The following PTPRG variants were observed in gnomAD, a reference collection of about 807,000 sequenced individuals.
The protein encoded by PTPRG is protein tyrosine phosphatase receptor type G, also known as receptor-type tyrosine-protein phosphatase gamma.
Under a neutral mutation model 165.3 loss-of-function variants are expected in PTPRG, and 102 were observed. The observed-to-expected ratio is 0.62, with a 90% CI of 0.53 to 0.73. The LOEUF is 0.73. Among genes scored for constraint, PTPRG ranks in the 30% least tolerant of loss-of-function variants. The pLI, the probability that PTPRG is intolerant of heterozygous loss-of-function variation, is 0.00. For missense variants in PTPRG, 1,866 were observed against 1,861.4 expected, an observed-to-expected ratio of 1.00 and a Z score of -0.05; for synonymous variants, 675 against 669.5, an observed-to-expected ratio of 1.01 and a Z score of -0.13.
At chr3:61,690,269 A>G (rs996290724) in intron 1 of PTPRG, among the ~76,000 whole-genome samples, 1 of 152,222 alleles carries the variant, frequency 6.6e-6, no homozygotes, top group Non-Finnish European at 1.5e-5. Context: ...CTTCAAGGCC[A>G]CTAAGCCCAG....
chr3:62,272,853 A>G (rs558165872), intron 21 of PTPRG, 93 bp from the exon 22 acceptor site: 1 of 1,333,692 alleles, frequency 7.5e-7, no homozygotes, highest in Admixed American at 2.8e-5. Flanking sequence ...GAAAAATAAT[A>G]AAATAAATGG....
At chr3:61,647,708 T>G (rs1055829264) in intron 1 of PTPRG, among the ~76,000 whole-genome samples, 1 of 143,570 alleles carries the variant, frequency 7.0e-6, no homozygotes, top group Non-Finnish European at 1.5e-5. Flanking sequence ...AGAAGAATGG[T>G]GTGAACCTGG....
chr3:61,913,527 C>G (rs1353957296), intron 2 of PTPRG, among the ~76,000 whole-genome samples: 2 of 152,072 alleles, frequency 1.3e-5, no homozygotes, highest in African/African-American at 4.8e-5. Flanking sequence ...CCGAGGGACA[C>G]CTTTTTCTGA....
At chr3:61,667,791 A>T (rs1481761025) in intron 1 of PTPRG, among the ~76,000 whole-genome samples, 1 of 142,300 alleles carries the variant, frequency 7.0e-6, no homozygotes. Context: ...AAATTTTTTT[A>T]ATTAAAAAAA....
intron 5 of PTPRG, among the ~76,000 whole-genome samples, chr3:62,100,094 G>A (rs1702240061): frequency 6.6e-6 from 1 of 152,076 alleles, no homozygotes; most frequent in Admixed American, 6.6e-5. Context: ...ATTTTTAGAT[G>A]AGGAAACTGG....
intron 2 of PTPRG, among the ~76,000 whole-genome samples, chr3:61,763,181 A>G (rs546226768): frequency 2.0e-5 from 3 of 152,080 alleles, no homozygotes; most frequent in Non-Finnish European, 4.4e-5. Flanking sequence ...CCCGAAGTAG[A>G]GGTCCTGGAA....
At chr3:61,734,176 T>A (rs1269528607) in intron 1 of PTPRG, among the ~76,000 whole-genome samples, 1 of 152,204 alleles carries the variant, frequency 6.6e-6, no homozygotes, top group Non-Finnish European at 1.5e-5. Flanking sequence ...TTTTACAAAG[T>A]GCTTTTTCTC....
At chr3:62,016,087 C>A (rs551569065) in intron 4 of PTPRG, among the ~76,000 whole-genome samples, 44 of 152,110 alleles carry the variant, frequency 2.9e-4, no homozygotes, top group Admixed American at 8.5e-4. Flanking sequence ...ATAGTATAAA[C>A]CCCCTCCTCA....
chr3:62,167,491 G>A (rs564887684), intron 7 of PTPRG, among the ~76,000 whole-genome samples: 13 of 152,310 alleles, frequency 8.5e-5, no homozygotes, highest in Non-Finnish European at 1.6e-4. Flanking sequence ...ATATTGTTAT[G>A]ATTATCACCA....
chr3:62,291,350 G>A (rs542995014), intron 28 of PTPRG, among the ~76,000 whole-genome samples: 1 of 152,180 alleles, frequency 6.6e-6, no homozygotes, highest in African/African-American at 2.4e-5. Context: ...CTTCTACTCA[G>A]TACCTATGCT....
intron 1 of PTPRG, among the ~76,000 whole-genome samples, chr3:61,586,372 A>C (rs1700434927): frequency 1.3e-5 from 2 of 152,152 alleles, no homozygotes; most frequent in South Asian, 2.1e-4. Context: ...TTTCATGTAA[A>C]AGTTTGGGAT....
At position 62,162,056 on chromosome 3, in the gene PTPRG, A is replaced by G. The variant is rs529449204; in HGVS notation, c.840+4832A>G. 2.4e-4 allele frequency among the ~76,000 whole-genome samples: 37 copies of G among 152,258 alleles called. 1 individual carries two copies. In the South Asian group the frequency reaches 7.3e-3, roughly 30 times the overall value. On this transcript the variant is annotated intron_variant, in intron 7 of 29. Coordinates refer to ENST00000474889, the MANE Select transcript of PTPRG (RefSeq NM_002841.4). The stretch of plus-strand genomic sequence containing the variant: ...ATCAGCCTTTTAATGGCTCATAATT[A>G]TATTACTTTTGGTATTCTCTCATTT...
intron 15 of PTPRG, among the ~76,000 whole-genome samples, chr3:62,253,865 C>G (rs1453579330): frequency 1.3e-5 from 2 of 152,160 alleles, no homozygotes; most frequent in Non-Finnish European, 2.9e-5. Context: ...ACTTACAGAG[C>G]ACCACCTATT....
chr3:61,616,942 CAG>C (rs1701314748), intron 1 of PTPRG, among the ~76,000 whole-genome samples: 1 of 152,118 alleles, frequency 6.6e-6, no homozygotes, highest in Non-Finnish European at 1.5e-5. Flanking sequence ...CGGAAGATAA[CAG>C]AAAACTCAGT....
chr3:62,222,637 C>T lies in PTPRG; in HGVS notation c.2288+3654C>T, dbSNP rs1249108330. On this transcript the variant is annotated intron_variant, in intron 13 of 29. Coordinates refer to ENST00000474889, the MANE Select transcript of PTPRG (RefSeq NM_002841.4). This position sits in a 1 kb window ranked among gnomAD's most constrained non-coding sequence, Gnocchi z 4.5. Reference sequence around the variant, plus strand: ...TGCCATCAAAACCTTGGACTGAAGCCGAACAAGGGATGGCTTTCCAAAGGA... The same window carrying T: ...TGCCATCAAAACCTTGGACTGAAGCTGAACAAGGGATGGCTTTCCAAAGGA... Among the ~76,000 whole-genome samples, 3 of 152,060 alleles carry T rather than the reference C, an allele frequency of 2.0e-5. No individual in the cohort carries two copies. The highest frequency in any genetic ancestry group is 1.5e-5 in the Non-Finnish European group (1 of 68,002).
chr3:61,720,929 T>C (rs1575609460), intron 1 of PTPRG, among the ~76,000 whole-genome samples: 2 of 152,350 alleles, frequency 1.3e-5, no homozygotes, highest in Middle Eastern at 6.8e-3. Context: ...ATTATGTAAG[T>C]ATTTTAGCTG....
chr3:61,872,030 T>C (rs192079660), intron 2 of PTPRG, among the ~76,000 whole-genome samples: 1 of 152,222 alleles, frequency 6.6e-6, no homozygotes, highest in Non-Finnish European at 1.5e-5. Flanking sequence ...TGCTTCCTTC[T>C]AGGATAACAG....
chr3:61,868,133 T>C (rs1424975610), intron 2 of PTPRG, among the ~76,000 whole-genome samples: 1 of 152,244 alleles, frequency 6.6e-6, no homozygotes. Context: ...GGAGAGGGCA[T>C]GTCTTGAGAC....
chr3:61,927,662 G>A (rs891870806), intron 2 of PTPRG, among the ~76,000 whole-genome samples: 1 of 152,152 alleles, frequency 6.6e-6, no homozygotes, highest in African/African-American at 2.4e-5. Flanking sequence ...GTAGAACCAG[G>A]ACAGAATAAC....
Sources: allele counts gnomAD v4.1 joint callset (sites outside exome capture counted in the v4.1 genomes callset), GRCh38; gene constraint gnomAD v4.1.1; non-coding constraint Gnocchi (gnomAD v3.1); transcripts MANE v1.5; gene names NCBI Gene and HGNC (gene_info 2026-07-23, HGNC 2026-07-21).